PPP2R3A: variants seen among roughly 807,000 people sequenced by gnomAD.
PPP2R3A encodes serine/threonine-protein phosphatase 2A regulatory subunit B'' subunit alpha.
Under a neutral mutation model 106.9 loss-of-function variants are expected in PPP2R3A, and 80 were observed. That is an observed-to-expected ratio of 0.75 (90% CI 0.62 to 0.90). The LOEUF is 0.90. PPP2R3A is among the 40% of genes least tolerant of loss of function. PPP2R3A has a pLI of 0.00. For missense variants in PPP2R3A, 1,386 were observed against 1,350.4 expected, an observed-to-expected ratio of 1.03 and a Z score of -0.41; for synonymous variants, 483 against 468.3, an observed-to-expected ratio of 1.03 and a Z score of -0.41.
intron 4 of PPP2R3A, among the ~76,000 whole-genome samples, chr3:136,046,206 C>G (rs568409964): frequency 6.6e-6 from 1 of 152,064 alleles, no homozygotes; most frequent in East Asian, 1.9e-4. Context: ...AATCCCAGCA[C>G]GTTGGGAGGC....
intron 13 of PPP2R3A, among the ~76,000 whole-genome samples, chr3:136,118,578 C>A (rs1223817136): frequency 3.3e-5 from 5 of 152,006 alleles, no homozygotes; most frequent in African/African-American, 1.2e-4. Context: ...TCCTATACAC[C>A]AATAACAGAC....
chr3:136,123,584 T>A (rs1446094121), intron 13 of PPP2R3A, among the ~76,000 whole-genome samples: 1 of 152,010 alleles, frequency 6.6e-6, no homozygotes, highest in Non-Finnish European at 1.5e-5. Context: ...ATAAATAGGG[T>A]TCTTCAAAAT....
intron 12 of PPP2R3A, among the ~76,000 whole-genome samples, chr3:136,104,047 G>C (rs1937450740): frequency 6.6e-6 from 1 of 152,132 alleles, no homozygotes; most frequent in South Asian, 2.1e-4. Context: ...ACAGACTGTT[G>C]CAGTTGAGTA....
chr3:136,078,709 C>CTT (rs1936678975), intron 7 of PPP2R3A, among the ~76,000 whole-genome samples: 1 of 152,130 alleles, frequency 6.6e-6, no homozygotes, highest in South Asian at 2.1e-4. Context: ...CTAAACCTGA[C>CTT]TTGATAAATT....
Position 136,026,866 on chromosome 3 carries a change from C to A in PPP2R3A, c.2030C>A (p.Pro677Gln), listed in dbSNP as rs776182204. The A allele has an allele frequency of 6.2e-7, 1 of 1,611,398 alleles. No individual in the cohort carries two copies. Among genetic ancestry groups the A allele is most frequent in the Non-Finnish European group, 8.5e-7 (1 of 1,178,464 alleles). Residue 677 changes from proline to glutamine, a missense_variant, in exon 3 of 14, where the codon CCA becomes CAA. Physicochemically the swap from Pro to Gln is moderately conservative, Grantham distance 76 (BLOSUM62 -1). Coordinates refer to ENST00000264977, the MANE Select transcript of PPP2R3A (RefSeq NM_002718.5). The stretch of plus-strand genomic sequence containing the variant: ...AAACCAGAAAAGAAACCTGGAACAC[C>A]ACTCCCACCTCCAGCCACCTCTCCA... ...QNKPEKKPGT[P>Q]LPPPATSPSS...
chr3:136,106,610 A>G, intron 13 of PPP2R3A: 1 of 338,732 alleles, frequency 3.0e-6, no homozygotes, highest in Non-Finnish European at 5.4e-6. Flanking sequence ...CCCTGTACAT[A>G]AAGGAGGAGG....
chr3:135,967,094 C>G (rs1239825918), intron 1 of PPP2R3A, among the ~76,000 whole-genome samples: 1 of 152,110 alleles, frequency 6.6e-6, no homozygotes, highest in South Asian at 2.1e-4. Context: ...TGCTAATTTA[C>G]ACACACAATT....
chr3:136,051,496 A>G (rs1223259234), intron 5 of PPP2R3A, among the ~76,000 whole-genome samples: 2 of 151,722 alleles, frequency 1.3e-5, no homozygotes, highest in African/African-American at 4.8e-5. Context: ...CACCCGGGTA[A>G]TTTTTGTGTT....
Position 136,145,072 on chromosome 3 carries a change from C to A in PPP2R3A, c.3359C>A (p.Ala1120Asp), listed in dbSNP as rs770592981. 2 of 1,613,274 alleles carry A rather than the reference C, an allele frequency of 1.2e-6. No homozygotes were observed. The highest frequency in any genetic ancestry group is 8.5e-7 in the Non-Finnish European group (1 of 1,179,504). The change falls in exon 14 of 14, where the codon GCC becomes GAC. Residue 1120 changes from alanine (A) to aspartate (D), a missense_variant. Transcript: ENST00000264977. ...GAAGATTATGAAACAGATGAACCTG[C>A]CTCTCCCTCTGAATTTGGAAACAAA... is the stretch of plus-strand genomic sequence containing the variant. ...GFEDYETDEP[A>D]SPSEFGNKSN...
intron 2 of PPP2R3A, chr3:136,022,938 G>A: frequency 1.3e-6 from 2 of 1,494,180 alleles, no homozygotes; most frequent in Admixed American, 2.5e-5. Context: ...AGAGCACAAT[G>A]CTTGAATTTC....
At chr3:136,112,679 T>C (rs1429679732) in intron 13 of PPP2R3A, among the ~76,000 whole-genome samples, 1 of 152,178 alleles carries the variant, frequency 6.6e-6, no homozygotes, top group Non-Finnish European at 1.5e-5. Flanking sequence ...ATAGCAAGAA[T>C]CAATATTGTT....
chr3:136,062,377 C>A (rs1268491915), intron 5 of PPP2R3A, among the ~76,000 whole-genome samples: 1 of 152,046 alleles, frequency 6.6e-6, no homozygotes, highest in African/African-American at 2.4e-5. Flanking sequence ...CAGGTCTTCT[C>A]CATGATGGGG....
chr3:136,056,093 C>T (rs1576467405), intron 5 of PPP2R3A, among the ~76,000 whole-genome samples: 1 of 152,194 alleles, frequency 6.6e-6, no homozygotes, highest in East Asian at 1.9e-4. Flanking sequence ...TCCATAAACC[C>T]AGTCTAATCA....
intron 6 of PPP2R3A, among the ~76,000 whole-genome samples, chr3:136,076,028 G>A (rs1259013358): frequency 2.8e-4 from 42 of 152,320 alleles, no homozygotes; most frequent in Admixed American, 2.7e-3. Context: ...CTGAGTGGTT[G>A]GGGCCAGTAG....
At chr3:136,043,547 T>C (rs1935369893) in intron 4 of PPP2R3A, among the ~76,000 whole-genome samples, 1 of 152,232 alleles carries the variant, frequency 6.6e-6, no homozygotes, top group African/African-American at 2.4e-5. Context: ...CAAAGGGCTC[T>C]GTTCCACTTC....
chr3:136,004,274 G>C (rs933657369), intron 2 of PPP2R3A, among the ~76,000 whole-genome samples: 1 of 152,222 alleles, frequency 6.6e-6, no homozygotes, highest in Non-Finnish European at 1.5e-5. Flanking sequence ...AGCACAACAA[G>C]ATTATTCCTT....
intron 5 of PPP2R3A, among the ~76,000 whole-genome samples, chr3:136,051,651 A>T (rs1935691454): frequency 6.6e-6 from 1 of 152,148 alleles, no homozygotes; most frequent in Non-Finnish European, 1.5e-5. Flanking sequence ...TTTTAAAAAG[A>T]TTTTTGCTGA....
At chr3:135,997,495 A>T (rs751902226) in intron 1 of PPP2R3A, among the ~76,000 whole-genome samples, 2 of 151,950 alleles carry the variant, frequency 1.3e-5, no homozygotes, top group Admixed American at 1.3e-4. Context: ...CACTTTATGC[A>T]CTCACCCTGA....
intron 1 of PPP2R3A, 91 bp from the exon 2 acceptor site, chr3:136,000,965 CGTG>C (rs1177208991): frequency 5.2e-6 from 2 of 387,920 alleles, no homozygotes; most frequent in Non-Finnish European, 9.1e-6. Context: ...GATAATAAAG[CGTG>C]GTGGTTAACT....
Sources: gnomAD v4.1 joint callset for allele counts (sites outside exome capture counted in the v4.1 genomes callset) on GRCh38, gnomAD v4.1.1 for gene constraint, MANE v1.5 for transcripts, NCBI Gene and HGNC (gene_info 2026-07-23, HGNC 2026-07-21) for gene names.